RPL27A: variants seen among roughly 807,000 people sequenced by gnomAD.
The protein encoded by RPL27A is large ribosomal subunit protein uL15.
For synonymous variants in RPL27A, 69 were observed against 68.3 expected (o/e 1.01, Z -0.05); for missense variants, 118 against 189.4 (o/e 0.62, Z 2.21).
rs201767947 is a variant in RPL27A, at chr11:8,683,193, T to C, written c.4-9T>C. 1.5e-5 allele frequency: 24 copies of C among 1,614,042 alleles called. No individual in the cohort carries two copies. The highest frequency in any genetic ancestry group is 1.9e-5 in the Non-Finnish European group (22 of 1,179,996). On this transcript the variant is annotated splice_polypyrimidine_tract_variant and intron_variant, in intron 1 of 4. Transcript: ENST00000314138. ...CCTTAGGCCTTACCACCAAGCTTTT[T>C]CCACACAGCCATCCAGACTGAGGAA...
rs943032888 is a variant in RPL27A, at chr11:8,685,929, A to G, written c.*123A>G. 3.4e-6 allele frequency: 3 copies of G among 874,152 alleles called. No homozygotes were observed. The highest frequency in any genetic ancestry group is 5.1e-5 in the East Asian group (2 of 39,314). 54.1% of individuals were successfully genotyped at this position (874,152 alleles called of 1,614,324 possible). ...GAGCCCAGGTTCTAGTACTTAGGGT[A>G]TGAAGACATGGGGTCCTCTCCTGAC... On this transcript the variant is annotated 3_prime_UTR_variant, in exon 5 of 5. Transcript: ENST00000314138.
intron 1 of RPL27A, 24 bp from the exon 2 acceptor site, chr11:8,683,178 T>TA (rs1347714728): frequency 1.2e-6 from 2 of 1,613,480 alleles, no homozygotes; most frequent in Non-Finnish European, 1.7e-6. Context: ...CCTTAGGCCT[T>TA]ACCACCAAGC....
At chr11:8,683,345 G>C in intron 2 of RPL27A, 80 bp downstream of exon 2, 2 of 1,282,236 alleles carry the variant, frequency 1.6e-6, no homozygotes, top group Non-Finnish European at 2.3e-6. Flanking sequence ...TAGCCTATAA[G>C]TGGGTTAGAA....
In RPL27A at chr11:8,688,295, C is replaced by T. The variant is rs2039605735; in HGVS notation, c.*2489C>T. ...AGTTTGGGGGGAAGGATCCCTAGTC[C>T]CTTAATGGCTACCTTCTTCCCCAGG... On this transcript the variant is annotated 3_prime_UTR_variant, in exon 5 of 5. Transcript: ENST00000314138. 6.6e-6 allele frequency: 1 copy of T among 152,162 alleles called. No homozygotes were observed. Among genetic ancestry groups the T allele is most frequent in the African/African-American group, 2.4e-5 (1 of 41,414 alleles). The allele number at this position is 152,162 out of a possible 1,614,324, so 9.4% of individuals were successfully genotyped here. A position where few individuals can be genotyped will look rare whatever the true frequency, so the allele number is the denominator to read the frequency against.
chr11:8,683,916 A>G, intron 2 of RPL27A, 90 bp from the exon 3 acceptor site: 1 of 993,450 alleles, frequency 1.0e-6, no homozygotes, highest in South Asian at 1.3e-5. Flanking sequence ...TCCTGACCTC[A>G]GGTGATCTAC....
At chr11:8,685,635 A>T in intron 4 of RPL27A, 43 bp from the exon 5 acceptor site, 1 of 1,610,388 alleles carries the variant, frequency 6.2e-7, no homozygotes, top group South Asian at 1.1e-5. Flanking sequence ...CGCAGTTGGT[A>T]CCTACTACAG....
Position 8,686,688 on chromosome 11 carries a change from G to C in RPL27A, c.*882G>C, listed in dbSNP as rs187759894. 6.6e-6 allele frequency: 1 copy of C among 152,270 alleles called. No homozygotes were observed. Among genetic ancestry groups the C allele is most frequent in the Admixed American group, 6.5e-5 (1 of 15,300 alleles). 9.4% of individuals were successfully genotyped at this position (152,270 alleles called of 1,614,324 possible). ...GTTAATTTTTCTTCTAGTCTGAAAT[G>C]TATCGGGAAAATTTGGAAATCCTGA... On this transcript the variant is annotated 3_prime_UTR_variant, in exon 5 of 5. Coordinates refer to ENST00000314138, the MANE Select transcript of RPL27A (RefSeq NM_000990.5).
intron 4 of RPL27A, 60 bp from the exon 5 acceptor site, chr11:8,685,618 C>T: frequency 3.8e-6 from 6 of 1,588,340 alleles, no homozygotes; most frequent in South Asian, 3.3e-5. Context: ...TTTCCTCACG[C>T]CCATCACGCA....
At chr11:8,683,029 C>T (rs2039517722) in intron 1 of RPL27A, 173 bp from the exon 2 acceptor site, 1 of 848,670 alleles carries the variant, frequency 1.2e-6, no homozygotes, top group African/African-American at 1.7e-5. Context: ...ACGCGGGCCC[C>T]TGCGCTACCG....
rs2039580925 is a variant in RPL27A, at chr11:8,685,706, A to G, written c.347A>G (p.Lys116Arg). 1 of 1,614,056 alleles carries G rather than the reference A, an allele frequency of 6.2e-7. No homozygotes were observed. The highest frequency in any genetic ancestry group is 1.3e-5 in the African/African-American group (1 of 74,930). The part of the protein sequence containing the change: ...SGYYKVLGKG[K>R]LPKQPVIVKA... ...TACTACAAAGTTCTGGGAAAGGGAA[A>G]GCTCCCAAAGCAGCCTGTCATCGTG... The change falls in exon 5 of 5, where the codon AAG becomes AGG. Residue 116 changes from lysine (K) to arginine (R), a missense_variant. Physicochemically the swap from Lys to Arg is conservative, Grantham distance 26. Coordinates refer to ENST00000314138, the MANE Select transcript of RPL27A (RefSeq NM_000990.5).
intron 2 of RPL27A, 139 bp downstream of exon 2, chr11:8,683,404 G>T (rs1592234883): frequency 1.4e-6 from 1 of 696,580 alleles, no homozygotes; most frequent in South Asian, 1.7e-5. Flanking sequence ...TTTTTCTGAC[G>T]ATCCTCTAGT....
intron 4 of RPL27A, 140 bp downstream of exon 4, chr11:8,685,032 T>C: frequency 2.3e-6 from 2 of 857,688 alleles, no homozygotes; most frequent in Non-Finnish European, 3.8e-6. Context: ...TTATCATAGG[T>C]AGTTCCCTAT....
Position 8,686,996 on chromosome 11 carries a change from C to A in RPL27A, c.*1190C>A, listed in dbSNP as rs2039592977. ...ATAATAAGCCGAGAACCATGGCTGT[C>A]TATGGGACACATCTGTCAGGACAAC... On this transcript the variant is annotated 3_prime_UTR_variant, in exon 5 of 5. Transcript: ENST00000314138. 6.6e-6 allele frequency: 1 copy of A among 152,108 alleles called. No individual in the cohort carries two copies. Among genetic ancestry groups the A allele is most frequent in the African/African-American group, 2.4e-5 (1 of 41,398 alleles). The allele number at this position is 152,108 out of a possible 1,614,324, so 9.4% of individuals were successfully genotyped here.
At position 8,689,797 on chromosome 11, in the gene RPL27A, C is replaced by T. The variant is rs988842175; in HGVS notation, c.*3991C>T. 1.3e-5 allele frequency: 2 copies of T among 152,146 alleles called. No individual in the cohort carries two copies. The highest frequency in any genetic ancestry group is 2.9e-5 in the Non-Finnish European group (2 of 68,038). 9.4% of individuals were successfully genotyped at this position (152,146 alleles called of 1,614,324 possible). On this transcript the variant is annotated 3_prime_UTR_variant, in exon 5 of 5. Transcript: ENST00000314138. ...GTTTCAAATAACCTAGTTTGTGTAT[C>T]CCTGTAAGTCATTTTGGTATAAAGT... is the stretch of plus-strand genomic sequence containing the variant.
chr11:8,682,833 T>G lies in RPL27A; in HGVS notation c.3+17T>G, dbSNP rs1260727399. The stretch of plus-strand genomic sequence containing the variant: ...GCCAACATGGTAGGTGTTTCGTTTC[T>G]TGCCTCCTCTTCCTTGCCGGCGGAG... On this transcript the variant is annotated intron_variant, in intron 1 of 4. Transcript: ENST00000314138. 1.9e-6 allele frequency: 3 copies of G among 1,610,672 alleles called. No individual in the cohort carries two copies. In the African/African-American group the frequency reaches 4.0e-5, roughly 22 times the overall value.
chr11:8,683,180 C>A, intron 1 of RPL27A, 22 bp from the exon 2 acceptor site: 7 of 1,613,684 alleles, frequency 4.3e-6, no homozygotes, highest in South Asian at 1.1e-5. Flanking sequence ...TTAGGCCTTA[C>A]CACCAAGCTT....
At chr11:8,683,158 G>T (rs771806530) in intron 1 of RPL27A, 44 bp from the exon 2 acceptor site, 2 of 1,589,360 alleles carry the variant, frequency 1.3e-6, no homozygotes, top group South Asian at 1.1e-5. Flanking sequence ...ATCGCCCCCT[G>T]CCCCTAATTC....
At chr11:8,683,678 A>G (rs2039539126) in intron 2 of RPL27A, 1 of 481,420 alleles carries the variant, frequency 2.1e-6, no homozygotes, top group African/African-American at 2.0e-5. Flanking sequence ...TGTGTGGTGC[A>G]TGTAGCTTTT....
chr11:8,683,048 C>G, intron 1 of RPL27A, 154 bp from the exon 2 acceptor site: 1 of 875,436 alleles, frequency 1.1e-6, no homozygotes, highest in Non-Finnish European at 1.8e-6. Context: ...CGTGGTGAGA[C>G]CTCACGGCCC....
Sources: gnomAD v4.1 joint callset for allele counts on GRCh38, gnomAD v4.1.1 for gene constraint, MANE v1.5 for transcripts, NCBI Gene and HGNC (gene_info 2026-07-23, HGNC 2026-07-21) for gene names.